Variants in LINGO2 observed in about 807,000 individuals in gnomAD.
LINGO2 encodes the protein leucine rich repeat and Ig domain containing 2, also known as leucine-rich repeat and immunoglobulin-like domain-containing nogo receptor-interacting protein 2.
In LINGO2, 14 loss-of-function variants were observed where a neutral mutation model predicts 30.6. The observed-to-expected ratio is 0.46, with a 90% CI of 0.30 to 0.72. The LOEUF (loss-of-function observed/expected upper bound fraction) is 0.72, where lower values mean the gene tolerates loss of function less well. LINGO2 is among the 30% of genes least tolerant of loss of function. The probability of loss-of-function intolerance (pLI) is 0.07; values close to 1 mark genes in which losing one functional copy is unlikely to be tolerated. For missense variants in LINGO2, 729 were observed against 751.7 expected (o/e 0.97, Z 0.35); for synonymous variants, 317 against 288.5 (o/e 1.10, Z -1.00).
chr9:28,518,272 C>T lies in LINGO2; in HGVS notation c.-364-42247G>A, dbSNP rs16913267. Among the ~76,000 whole-genome samples the T allele has an allele frequency of 1.0e-2, 1,516 of 152,252 alleles. 44 individuals carry two copies. In the East Asian group the frequency reaches 0.1, roughly 10 times the overall value. ...AGAAGAAAAGACAAGTTTCCTGATT[C>T]CCAGCCTAGTTTCCATTCCTTTCCA... On this transcript the variant is annotated intron_variant, in intron 1 of 5. Coordinates refer to ENST00000379992, the Ensembl canonical transcript of LINGO2.
At chr9:28,954,212 C>G in the LINGO2 span, among the ~76,000 whole-genome samples, 1 of 152,094 alleles carries the variant, frequency 6.6e-6, no homozygotes, top group African/African-American at 2.4e-5. Context: ...CCTTAAGCCT[C>G]AATAGCTTTA....
the LINGO2 span, among the ~76,000 whole-genome samples, chr9:28,980,925 G>A: frequency 8.6e-5 from 13 of 151,948 alleles, no homozygotes; most frequent in Admixed American, 8.5e-4. Context: ...GCCTAGGTTT[G>A]TGCCTGGCAT....
chr9:27,971,738 C>T (rs1587577827), intron 5 of LINGO2, among the ~76,000 whole-genome samples: 1 of 152,106 alleles, frequency 6.6e-6, no homozygotes, highest in African/African-American at 2.4e-5. Flanking sequence ...ATCATTAGCC[C>T]TTTAATCAAG....
chr9:28,640,129 A>T (rs1171263913), intron 1 of LINGO2, among the ~76,000 whole-genome samples: 4 of 152,036 alleles, frequency 2.6e-5, no homozygotes. Context: ...TCTTTTCTTT[A>T]AGAATGTTGA....
chr9:28,111,365 G>C (rs1207420998), intron 4 of LINGO2, among the ~76,000 whole-genome samples: 1 of 151,494 alleles, frequency 6.6e-6, no homozygotes, highest in Admixed American at 6.6e-5. Flanking sequence ...TAACAAACCT[G>C]CACATTCTGC....
At chr9:28,721,523 G>T in the LINGO2 span, among the ~76,000 whole-genome samples, 2 of 152,098 alleles carry the variant, frequency 1.3e-5, no homozygotes, top group African/African-American at 4.8e-5. Flanking sequence ...CATGGATGAA[G>T]CTGGAAACCA....
chr9:28,508,665 C>A (rs1426411999), intron 1 of LINGO2, among the ~76,000 whole-genome samples: 2 of 151,868 alleles, frequency 1.3e-5, no homozygotes, highest in Admixed American at 1.3e-4. Context: ...GATGTCTAAG[C>A]AGAAGGTTGG....
At chr9:28,362,466 C>T (rs1820487739) in intron 3 of LINGO2, among the ~76,000 whole-genome samples, 1 of 151,508 alleles carries the variant, frequency 6.6e-6, no homozygotes, top group South Asian at 2.1e-4. Flanking sequence ...ATTTGGCTTT[C>T]CTTTTTTTTT....
At chr9:28,458,503 G>A (rs1168710840) in intron 2 of LINGO2, among the ~76,000 whole-genome samples, 1 of 152,156 alleles carries the variant, frequency 6.6e-6, no homozygotes, top group Non-Finnish European at 1.5e-5. Flanking sequence ...CTGAGTCACT[G>A]TTAATATACT....
the LINGO2 span, among the ~76,000 whole-genome samples, chr9:28,857,733 T>C: frequency 6.6e-6 from 1 of 152,062 alleles, no homozygotes; most frequent in Non-Finnish European, 1.5e-5. Context: ...GTGTAAAATA[T>C]GTATAAAATT....
At chr9:29,145,858 G>C in the LINGO2 span, among the ~76,000 whole-genome samples, 1 of 152,044 alleles carries the variant, frequency 6.6e-6, no homozygotes, top group Non-Finnish European at 1.5e-5. Flanking sequence ...GCATATTATA[G>C]AAGAATCTCT....
At chr9:28,182,204 G>T (rs1219583392) in intron 4 of LINGO2, among the ~76,000 whole-genome samples, 1 of 152,098 alleles carries the variant, frequency 6.6e-6, no homozygotes, top group African/African-American at 2.4e-5. Context: ...GCAAAAACAA[G>T]CAATGGGGTA....
At chr9:29,212,813 C>T in the LINGO2 span, among the ~76,000 whole-genome samples, 38 of 152,178 alleles carry the variant, frequency 2.5e-4, no homozygotes, top group African/African-American at 9.2e-4. Context: ...GATCGCGTAG[C>T]GACGCCCGGA....
chr9:28,768,781 C>T, the LINGO2 span, among the ~76,000 whole-genome samples: 1 of 152,072 alleles, frequency 6.6e-6, no homozygotes, highest in East Asian at 1.9e-4. Flanking sequence ...TTCTTGATTA[C>T]ATCTCTATCT....
At chr9:28,718,882 A>C in the LINGO2 span, among the ~76,000 whole-genome samples, 2 of 152,044 alleles carry the variant, frequency 1.3e-5, no homozygotes, top group African/African-American at 2.4e-5. Flanking sequence ...TTTGTATTAT[A>C]AATCTATGAT....
the LINGO2 span, among the ~76,000 whole-genome samples, chr9:29,063,953 A>G: frequency 6.6e-6 from 1 of 152,160 alleles, no homozygotes; most frequent in Non-Finnish European, 1.5e-5. Flanking sequence ...ATTGGCTCAC[A>G]TAAGGTTCTC....
intron 4 of LINGO2, among the ~76,000 whole-genome samples, chr9:28,109,339 C>T (rs1208051960): frequency 1.3e-5 from 2 of 152,130 alleles, no homozygotes; most frequent in African/African-American, 4.8e-5. Context: ...CCAGCCAAGA[C>T]AAGGATGCCC....
rs34131183 is a variant in LINGO2 at position 28,586,031 on chromosome 9, G to GTT, written c.-365+84167_-365+84168dup. On this transcript the variant is annotated intron_variant, in intron 1 of 5. Transcript: ENST00000379992. ...GCTTTTCCACCTGTACATTAATTTTGTTTTTTTTTGTGCATTTCAGAATAT... is the reference window on the plus strand; with the variant it reads ...GCTTTTCCACCTGTACATTAATTTTGTTTTTTTTTTTGTGCATTTCAGAATAT... Among the ~76,000 whole-genome samples the GTT allele has an allele frequency of 4.2e-3, 636 of 149,688 alleles. 14 individuals are homozygous for GTT. In the East Asian group the frequency reaches 0.075, roughly 18 times the overall value.
intron 1 of LINGO2, among the ~76,000 whole-genome samples, chr9:28,521,524 G>A (rs532035875): frequency 2.0e-5 from 3 of 152,272 alleles, no homozygotes; most frequent in African/African-American, 7.2e-5. Context: ...AATTAGTCAT[G>A]TTCTTCCCCC....
Sources: allele counts gnomAD v4.1 joint callset (sites outside exome capture counted in the v4.1 genomes callset), GRCh38; gene constraint gnomAD v4.1.1; transcripts MANE v1.5; gene names NCBI Gene and HGNC (gene_info 2026-07-23, HGNC 2026-07-21).